Variants in TMEM132D observed in about 807,000 individuals in gnomAD.
The protein encoded by TMEM132D is mature OL transmembrane protein.
In TMEM132D, 21 loss-of-function variants were observed where a neutral mutation model predicts 62.3. That is an observed-to-expected ratio of 0.34 (90% CI 0.24 to 0.49). The LOEUF (loss-of-function observed/expected upper bound fraction) is 0.49, where lower values mean the gene tolerates loss of function less well. Ranked by LOEUF, TMEM132D falls within the 20% of genes least tolerant of loss-of-function variation. The pLI is 0.99. For missense variants in TMEM132D, 1,346 were observed against 1,402.8 expected (o/e 0.96, Z 0.65); for synonymous variants, 621 against 575.6 (o/e 1.08, Z -1.13).
intron 1 of TMEM132D, among the ~76,000 whole-genome samples, chr12:129,720,110 T>C (rs1037737761): frequency 5.9e-5 from 9 of 152,206 alleles, no homozygotes; most frequent in African/African-American, 2.2e-4. Flanking sequence ...TTTAGAAATG[T>C]GGTTTCTAAA....
chr12:129,605,305 A>G (rs186588005), intron 2 of TMEM132D, among the ~76,000 whole-genome samples: 1 of 152,236 alleles, frequency 6.6e-6, no homozygotes, highest in Non-Finnish European at 1.5e-5. Flanking sequence ...AGATTGGCTC[A>G]TTACTGACTC....
At chr12:129,536,637 T>C (rs1876398556) in intron 2 of TMEM132D, among the ~76,000 whole-genome samples, 1 of 152,204 alleles carries the variant, frequency 6.6e-6, no homozygotes, top group Non-Finnish European at 1.5e-5. Flanking sequence ...CTGCTTACAA[T>C]GCCACTGTCA....
intron 2 of TMEM132D, among the ~76,000 whole-genome samples, chr12:129,626,488 C>G (rs1032848887): frequency 6.6e-6 from 1 of 151,574 alleles, no homozygotes; most frequent in Non-Finnish European, 1.5e-5. Context: ...GATGGAGTCT[C>G]GCTCTGTTGC....
intron 4 of TMEM132D, among the ~76,000 whole-genome samples, chr12:129,311,972 C>G (rs964069743): frequency 6.6e-6 from 1 of 152,016 alleles, no homozygotes; most frequent in Non-Finnish European, 1.5e-5. Flanking sequence ...TAAGTGTGGA[C>G]GCAATTGTGT....
intron 3 of TMEM132D, among the ~76,000 whole-genome samples, chr12:129,399,379 T>C (rs1871538322): frequency 6.6e-6 from 1 of 151,900 alleles, no homozygotes; most frequent in Non-Finnish European, 1.5e-5. Flanking sequence ...GCTAACCCAC[T>C]CCCATGATAA....
intron 3 of TMEM132D, among the ~76,000 whole-genome samples, chr12:129,358,051 T>A (rs1175278033): frequency 6.6e-6 from 1 of 152,220 alleles, no homozygotes; most frequent in Non-Finnish European, 1.5e-5. Flanking sequence ...ATATGCATGA[T>A]CCTTTTAATG....
intron 4 of TMEM132D, among the ~76,000 whole-genome samples, chr12:129,213,880 C>T (rs749998616): frequency 7.2e-5 from 11 of 152,286 alleles, no homozygotes; most frequent in Non-Finnish European, 1.3e-4. Flanking sequence ...ACATTCCAAC[C>T]GTAGCAGTGT....
intron 4 of TMEM132D, among the ~76,000 whole-genome samples, chr12:129,274,534 G>A (rs573903113): frequency 3.3e-5 from 5 of 152,198 alleles, no homozygotes; most frequent in African/African-American, 1.2e-4. Flanking sequence ...TAAACAAAGA[G>A]CAGTAGGCCT....
At chr12:129,130,532 A>T (rs1324444891) in intron 5 of TMEM132D, among the ~76,000 whole-genome samples, 1 of 152,114 alleles carries the variant, frequency 6.6e-6, no homozygotes. Context: ...CACGTTCTAG[A>T]ACGTTCTTGA....
intron 4 of TMEM132D, among the ~76,000 whole-genome samples, chr12:129,218,955 C>G (rs777594019): frequency 6.6e-5 from 10 of 152,172 alleles, no homozygotes; most frequent in Non-Finnish European, 1.2e-4. Flanking sequence ...CCAGAATTGT[C>G]TGACTAAAGG....
intron 3 of TMEM132D, among the ~76,000 whole-genome samples, chr12:129,364,491 G>T (rs1234195068): frequency 2.0e-5 from 3 of 152,220 alleles, no homozygotes; most frequent in African/African-American, 7.2e-5. Context: ...CTTGTAGAGG[G>T]ATTTGGGGAG....
At chr12:129,573,411 G>A (rs1354474422) in intron 2 of TMEM132D, among the ~76,000 whole-genome samples, 1 of 152,160 alleles carries the variant, frequency 6.6e-6, no homozygotes, top group African/African-American at 2.4e-5. Context: ...TTTCATCTTA[G>A]CAGCTTCAGC....
At chr12:129,156,078 A>G (rs207473526) in intron 5 of TMEM132D, among the ~76,000 whole-genome samples, 1 of 151,372 alleles carries the variant, frequency 6.6e-6, no homozygotes, top group Non-Finnish European at 1.5e-5. Context: ...ACCCACTTCC[A>G]TGATACCCAA....
chr12:129,778,593 GT>G (rs761809469), intron 1 of TMEM132D, among the ~76,000 whole-genome samples: 29 of 152,310 alleles, frequency 1.9e-4, no homozygotes, highest in Admixed American at 3.9e-4. Context: ...TGGTTGGCAA[GT>G]TGCTCTTGCA....
At chr12:129,357,775 G>A (rs1054693596) in intron 3 of TMEM132D, among the ~76,000 whole-genome samples, 1 of 152,148 alleles carries the variant, frequency 6.6e-6, no homozygotes, top group Admixed American at 6.5e-5. Flanking sequence ...TCCAGACTGC[G>A]TCAATCTTCG....
At chr12:129,341,144 T>C (rs946614234) in intron 3 of TMEM132D, among the ~76,000 whole-genome samples, 3 of 152,236 alleles carry the variant, frequency 2.0e-5, no homozygotes, top group Non-Finnish European at 4.4e-5. Flanking sequence ...GCAATATTTA[T>C]CACTTCTCCA....
rs756424608 is a variant in TMEM132D at position 129,822,315 on chromosome 12, G to T, written c.79+80946C>A. Reference sequence around the variant, plus strand: ...CTCACTGGAGGACTCACAGGACTCAGCATATGGTTGCACAAACAGCTGGGA... The same window carrying T: ...CTCACTGGAGGACTCACAGGACTCATCATATGGTTGCACAAACAGCTGGGA... On this transcript the variant is annotated intron_variant, in intron 1 of 8. Transcript: ENST00000422113. Among the ~76,000 whole-genome samples the T allele has an allele frequency of 1.2e-3, 187 of 152,248 alleles. 1 individual carries two copies. The highest frequency in any genetic ancestry group is 1.6e-3 in the Non-Finnish European group (109 of 68,026).
intron 3 of TMEM132D, among the ~76,000 whole-genome samples, chr12:129,497,165 G>T (rs1199124019): frequency 6.6e-6 from 1 of 152,108 alleles, no homozygotes; most frequent in Non-Finnish European, 1.5e-5. Context: ...AATATTAGCT[G>T]GGCGTGGTGG....
chr12:129,584,529 C>T (rs1363391523), intron 2 of TMEM132D, among the ~76,000 whole-genome samples: 2 of 152,186 alleles, frequency 1.3e-5, no homozygotes, highest in Admixed American at 6.5e-5. Context: ...CTTGCTTTGG[C>T]CTCTGGTTCG....
Sources: gnomAD v4.1 joint callset for allele counts (sites outside exome capture counted in the v4.1 genomes callset) on GRCh38, gnomAD v4.1.1 for gene constraint, MANE v1.5 for transcripts, NCBI Gene and HGNC (gene_info 2026-07-23, HGNC 2026-07-21) for gene names.